Variants in GRID2 observed in about 807,000 individuals in gnomAD.
GRID2 encodes the protein glutamate receptor ionotropic, delta-2.
Under a neutral mutation model 114.8 loss-of-function variants are expected in GRID2, and 33 were observed. The observed-to-expected ratio is 0.29, with a 90% CI of 0.22 to 0.38. GRID2 has a LOEUF of 0.38. Ranked by LOEUF, GRID2 falls within the 10% of genes least tolerant of loss-of-function variation. GRID2 has a pLI of 1.00. For synonymous variants in GRID2, 505 were observed against 449.9 expected (o/e 1.12, Z -1.55); for missense variants, 1,184 against 1,257.7 (o/e 0.94, Z 0.89).
At chr4:92,770,459 G>C (rs1204020199) in intron 2 of GRID2, among the ~76,000 whole-genome samples, 2 of 152,062 alleles carry the variant, frequency 1.3e-5, no homozygotes, top group Admixed American at 1.3e-4. Flanking sequence ...CTTTTCAGCA[G>C]TGTCGCACTC....
At chr4:92,332,019 T>C (rs1726916781) in intron 1 of GRID2, among the ~76,000 whole-genome samples, 1 of 152,214 alleles carries the variant, frequency 6.6e-6, no homozygotes, top group African/African-American at 2.4e-5. Context: ...GGGTCACACA[T>C]GTCCTAAACT....
intron 1 of GRID2, among the ~76,000 whole-genome samples, chr4:92,557,007 C>A (rs1232196121): frequency 6.6e-6 from 1 of 152,060 alleles, no homozygotes; most frequent in Non-Finnish European, 1.5e-5. Context: ...TTTTAGTTTT[C>A]ATTCATAAAA....
intron 2 of GRID2, among the ~76,000 whole-genome samples, chr4:92,709,587 A>ATATATATATATATAT (rs1296707680): frequency 1.7e-5 from 2 of 119,898 alleles, no homozygotes; most frequent in African/African-American, 6.6e-5. Flanking sequence ...AAAAAAAAAA[A>ATATATATATATATAT]AAATATATAT....
At chr4:92,608,260 G>A (rs1729554800) in intron 2 of GRID2, among the ~76,000 whole-genome samples, 1 of 151,704 alleles carries the variant, frequency 6.6e-6, no homozygotes, top group African/African-American at 2.4e-5. Flanking sequence ...ATTCAGCATG[G>A]AAAGACTCAT....
intron 2 of GRID2, among the ~76,000 whole-genome samples, chr4:92,709,587 AAAATAT>A (rs1050085436): frequency 9.2e-5 from 11 of 119,892 alleles, no homozygotes; most frequent in African/African-American, 3.0e-4. Context: ...AAAAAAAAAA[AAAATAT>A]ATATATATAT....
intron 14 of GRID2, among the ~76,000 whole-genome samples, chr4:93,765,670 G>A (rs1446085468): frequency 6.8e-6 from 1 of 147,336 alleles, no homozygotes. Flanking sequence ...GATTTCTAAA[G>A]TCAAAATATT....
chr4:93,097,979 G>T (rs1560875776), intron 3 of GRID2, among the ~76,000 whole-genome samples: 1 of 151,754 alleles, frequency 6.6e-6, no homozygotes, highest in Non-Finnish European at 1.5e-5. Context: ...TACCATTTTT[G>T]AATTTGATGT....
chr4:93,112,901 G>C (rs1187141252), intron 4 of GRID2, among the ~76,000 whole-genome samples: 1 of 152,056 alleles, frequency 6.6e-6, no homozygotes, highest in Non-Finnish European at 1.5e-5. Flanking sequence ...GACATCAGTC[G>C]TTTGGATGAG....
intron 1 of GRID2, among the ~76,000 whole-genome samples, chr4:92,513,391 A>G (rs1410616032): frequency 6.6e-6 from 1 of 151,814 alleles, no homozygotes; most frequent in Non-Finnish European, 1.5e-5. Flanking sequence ...ATGCACATTG[A>G]CAGGAGAAAG....
intron 1 of GRID2, among the ~76,000 whole-genome samples, chr4:92,360,544 C>T (rs1187770300): frequency 6.6e-6 from 1 of 151,936 alleles, no homozygotes; most frequent in East Asian, 1.9e-4. Context: ...ATGGGAACAC[C>T]TGCATGCATA....
Position 93,654,913 on chromosome 4 carries a change from A to G in GRID2, c.2360+28478A>G, listed in dbSNP as rs74638340. ...ATGAAATCTCCTACTGAACAACAAT[A>G]AAAACACATGCTTTGACCAAAAATA... On this transcript the variant is annotated intron_variant, in intron 14 of 15. Coordinates refer to ENST00000282020, the MANE Select transcript of GRID2 (RefSeq NM_001510.4). Among the ~76,000 whole-genome samples the G allele has an allele frequency of 7.6e-3, 1,154 of 152,292 alleles. 20 individuals carry two copies. Among genetic ancestry groups the G allele is most frequent in the African/African-American group, 0.027 (1,105 of 41,556 alleles).
intron 9 of GRID2, among the ~76,000 whole-genome samples, chr4:93,398,366 A>G (rs908261113): frequency 2.0e-5 from 3 of 151,330 alleles, no homozygotes; most frequent in Non-Finnish European, 4.4e-5. Flanking sequence ...CAGAGTTAGG[A>G]TTCAAATTCA....
intron 4 of GRID2, among the ~76,000 whole-genome samples, chr4:93,152,074 A>T (rs1560931701): frequency 1.3e-5 from 2 of 152,130 alleles, no homozygotes; most frequent in Admixed American, 1.3e-4. Context: ...GGAATAATGA[A>T]CATTCAAGGA....
intron 1 of GRID2, among the ~76,000 whole-genome samples, chr4:92,452,217 T>C: frequency 6.6e-6 from 1 of 152,234 alleles, no homozygotes; most frequent in East Asian, 1.9e-4. Flanking sequence ...GCCACATAAA[T>C]GTTCTTTATA....
intron 13 of GRID2, among the ~76,000 whole-genome samples, chr4:93,625,655 C>T (rs1742637808): frequency 6.6e-6 from 1 of 152,212 alleles, no homozygotes; most frequent in Non-Finnish European, 1.5e-5. Context: ...GTGGCTCACG[C>T]CTGTAATCTC....
intron 2 of GRID2, among the ~76,000 whole-genome samples, chr4:93,036,471 G>A (rs1724943566): frequency 6.6e-6 from 1 of 151,474 alleles, no homozygotes; most frequent in Non-Finnish European, 1.5e-5. Flanking sequence ...AAATACTCTA[G>A]GAAAATTAAG....
intron 1 of GRID2, among the ~76,000 whole-genome samples, chr4:92,358,100 A>G (rs1728430837): frequency 6.6e-6 from 1 of 151,918 alleles, no homozygotes; most frequent in South Asian, 2.1e-4. Flanking sequence ...AGAAGAAAAT[A>G]ACAGAAGGAC....
chr4:92,349,561 TTAAAA>T (rs776847500), intron 1 of GRID2, among the ~76,000 whole-genome samples: 37 of 151,584 alleles, frequency 2.4e-4, no homozygotes, highest in African/African-American at 3.4e-4. Context: ...TATTTTATTT[TTAAAA>T]TAAAATGAAA....
At chr4:92,887,827 G>C (rs1746480890) in intron 2 of GRID2, among the ~76,000 whole-genome samples, 1 of 152,072 alleles carries the variant, frequency 6.6e-6, no homozygotes, top group African/African-American at 2.4e-5. Context: ...CTGTCCTTAA[G>C]TTCTGGCTGA....
Sources: allele counts gnomAD v4.1 joint callset (sites outside exome capture counted in the v4.1 genomes callset), GRCh38; gene constraint gnomAD v4.1.1; transcripts MANE v1.5; gene names NCBI Gene and HGNC (gene_info 2026-07-23, HGNC 2026-07-21).